RBFOX1: variants seen among roughly 807,000 people sequenced by gnomAD.
The protein encoded by RBFOX1 is RNA binding protein fox-1 homolog 1.
RBFOX1 carries 8 observed loss-of-function variants against 57.7 expected under a neutral mutation model. The ratio of observed to expected loss-of-function variants is 0.14; its 90% CI spans 0.08 to 0.25. The LOEUF is 0.25. Ranked by LOEUF, RBFOX1 falls within the 10% of genes least tolerant of loss-of-function variation. RBFOX1 has a pLI of 1.00. For missense variants in RBFOX1, 611 were observed against 548.5 expected (o/e 1.11, Z -1.14); for synonymous variants, 326 against 222.4 (o/e 1.47, Z -4.15).
intron 3 of RBFOX1, among the ~76,000 whole-genome samples, chr16:6,753,432 A>T (rs559547826): frequency 1.5e-4 from 23 of 152,284 alleles, no homozygotes; most frequent in African/African-American, 5.3e-4. Context: ...CTATTCTTTT[A>T]TTTAGGGATG....
rs566515975 is a variant in RBFOX1, at chr16:5,528,485, C to T, written c.258+61231C>T. 1.8e-4 allele frequency among the ~76,000 whole-genome samples: 28 copies of T among 151,800 alleles called. No individual in the cohort carries two copies. In the East Asian group the frequency reaches 3.3e-3, roughly 18 times the overall value. On this transcript the variant is annotated intron_variant, in intron 2 of 2. Coordinates refer to the RBFOX1 transcript ENST00000585867. Reference sequence around the variant, plus strand: ...CCTGTGTGGCCCTTACTGCCTAAAGCGACAATGGCATTATAGGTCAAAGCA... The same window carrying T: ...CCTGTGTGGCCCTTACTGCCTAAAGTGACAATGGCATTATAGGTCAAAGCA...
At chr16:7,469,489 C>G (rs1019718537) in intron 4 of RBFOX1, among the ~76,000 whole-genome samples, 4 of 152,142 alleles carry the variant, frequency 2.6e-5, no homozygotes, top group African/African-American at 7.2e-5. Context: ...GCCACCTCAG[C>G]TCATCCTTCA....
intron 3 of RBFOX1, among the ~76,000 whole-genome samples, chr16:5,658,891 C>T (rs978816641): frequency 1.4e-5 from 2 of 147,430 alleles, no homozygotes; most frequent in African/African-American, 5.0e-5. Context: ...ATATATATAT[C>T]TCACATAGTT....
At chr16:7,023,469 A>G (rs2039906919) in intron 3 of RBFOX1, among the ~76,000 whole-genome samples, 4 of 150,828 alleles carry the variant, frequency 2.7e-5, no homozygotes, top group African/African-American at 2.4e-5. Flanking sequence ...CAAAAAAAAA[A>G]AGAGAGAAAT....
rs574310642 is a variant in RBFOX1, at chr16:7,304,112, G to GA, written c.28-214034dup. 4.6e-4 allele frequency: 339 copies of GA among 729,776 alleles called. 1 individual carries two copies. Among genetic ancestry groups the GA allele is most frequent in the South Asian group, 8.6e-4 (14 of 16,336 alleles). 45.2% of individuals were successfully genotyped at this position (729,776 alleles called of 1,614,324 possible). A position where few individuals can be genotyped will look rare whatever the true frequency, so the allele number is the denominator to read the frequency against. On this transcript the variant is annotated intron_variant, in intron 4 of 15. Transcript: ENST00000550418. ...TTAGTTGGAGGCAGAGGAACGCCGG[G>GA]ATCTAGCACATCCCCAGGCGGGGAG...
In RBFOX1 at chr16:6,952,180, G is replaced by C. The variant is rs368093166; in HGVS notation, c.-15-99877G>C. On this transcript the variant is annotated intron_variant, in intron 3 of 15. Transcript: ENST00000550418. ...TTGTGAAGGCTCTATGTGGCACTCTGAGAGAAGGAATCCTTCACTGCTATC... is the reference window on the plus strand; with the variant it reads ...TTGTGAAGGCTCTATGTGGCACTCTCAGAGAAGGAATCCTTCACTGCTATC... Among the ~76,000 whole-genome samples, 99 of 152,234 alleles carry C rather than the reference G, an allele frequency of 6.5e-4. 3 individuals are homozygous for C. Among genetic ancestry groups the C allele is most frequent in the African/African-American group, 2.2e-3 (93 of 41,542 alleles).
chr16:6,222,121 T>C (rs1469499356), intron 1 of RBFOX1, among the ~76,000 whole-genome samples: 1 of 152,164 alleles, frequency 6.6e-6, no homozygotes, highest in African/African-American at 2.4e-5. Flanking sequence ...GCATGATGTC[T>C]TTCCAAACAA....
chr16:7,223,695 A>G (rs1423324725), intron 4 of RBFOX1, among the ~76,000 whole-genome samples: 2 of 143,806 alleles, frequency 1.4e-5, no homozygotes, highest in East Asian at 2.1e-4. Context: ...TCCCCACTAT[A>G]TGCCGTCAGT....
At chr16:5,567,772 C>G (rs2046125868) in intron 2 of RBFOX1, among the ~76,000 whole-genome samples, 1 of 152,088 alleles carries the variant, frequency 6.6e-6, no homozygotes, top group Admixed American at 6.6e-5. Context: ...TCGTCACCGT[C>G]ACCTATACTG....
At position 7,630,690 on chromosome 16, in the gene RBFOX1, C is replaced by T. The variant is rs958684686; in HGVS notation, c.757+7C>T. 2.1e-5 allele frequency: 34 copies of T among 1,613,988 alleles called. No homozygotes were observed. Among genetic ancestry groups the T allele is most frequent in the Non-Finnish European group, 2.8e-5 (33 of 1,180,032 alleles). ...CTTGTATATACTTCTGCAAGTAAGCCCACTGTCGTGGCTCTTTTTGTTTTG... is the reference window on the plus strand; with the variant it reads ...CTTGTATATACTTCTGCAAGTAAGCTCACTGTCGTGGCTCTTTTTGTTTTG... On this transcript the variant is annotated splice_region_variant and intron_variant, in intron 11 of 15. Coordinates refer to ENST00000550418, the MANE Select transcript of RBFOX1 (RefSeq NM_018723.4).
At chr16:6,601,218 C>CT (rs932238168) in intron 2 of RBFOX1, among the ~76,000 whole-genome samples, 8 of 152,022 alleles carry the variant, frequency 5.3e-5, no homozygotes, top group South Asian at 4.1e-4. Context: ...ATGGAAGAGT[C>CT]TTTTTTGCTG....
chr16:5,592,213 G>C (rs1180221196), intron 2 of RBFOX1, among the ~76,000 whole-genome samples: 1 of 151,932 alleles, frequency 6.6e-6, no homozygotes, highest in African/African-American at 2.4e-5. Context: ...ATTGACTGGG[G>C]CGAAGCTCTT....
At chr16:6,800,585 G>A (rs2085178321) in intron 3 of RBFOX1, among the ~76,000 whole-genome samples, 1 of 152,008 alleles carries the variant, frequency 6.6e-6, no homozygotes, top group Admixed American at 6.6e-5. Context: ...GTAATCACCT[G>A]GCCGGATGGT....
intron 3 of RBFOX1, among the ~76,000 whole-genome samples, chr16:6,669,313 T>A (rs552285922): frequency 6.6e-6 from 1 of 152,212 alleles, no homozygotes; most frequent in Non-Finnish European, 1.5e-5. Context: ...TCACTTCTTA[T>A]ATTGTGCTTC....
chr16:6,831,690 A>T (rs557227591), intron 3 of RBFOX1, among the ~76,000 whole-genome samples: 1 of 152,300 alleles, frequency 6.6e-6, no homozygotes, highest in African/African-American at 2.4e-5. Flanking sequence ...CAGTTCTATT[A>T]TTTTTAACTC....
chr16:5,394,013 ATTTCTT>A (rs1448855155), intron 1 of RBFOX1, among the ~76,000 whole-genome samples: 4 of 151,690 alleles, frequency 2.6e-5, no homozygotes, highest in African/African-American at 4.8e-5. Flanking sequence ...TAGCATAGCC[ATTTCTT>A]TTTCTTTTTT....
At chr16:7,040,260 C>T (rs1444642732) in intron 3 of RBFOX1, among the ~76,000 whole-genome samples, 1 of 151,882 alleles carries the variant, frequency 6.6e-6, no homozygotes, top group Non-Finnish European at 1.5e-5. Flanking sequence ...ACCTCATGGT[C>T]CTCCTGCCTC....
intron 11 of RBFOX1, among the ~76,000 whole-genome samples, chr16:7,639,824 T>C (rs767068352): frequency 5.3e-5 from 8 of 152,258 alleles, no homozygotes; most frequent in Middle Eastern, 3.4e-3. Context: ...TTGAGGTGTT[T>C]TCAGACACCT....
At chr16:6,344,174 C>T (rs965159701) in intron 2 of RBFOX1, among the ~76,000 whole-genome samples, 1 of 152,004 alleles carries the variant, frequency 6.6e-6, no homozygotes, top group African/African-American at 2.4e-5. Flanking sequence ...ATTCTCATGC[C>T]TCAGTAGCTA....
Sources: allele counts gnomAD v4.1 joint callset (sites outside exome capture counted in the v4.1 genomes callset), GRCh38; gene constraint gnomAD v4.1.1; transcripts MANE v1.5; gene names NCBI Gene and HGNC (gene_info 2026-07-23, HGNC 2026-07-21).